The following SLC9A9 variants were observed in gnomAD, a reference collection of about 807,000 sequenced individuals.
The protein encoded by SLC9A9 is sodium/hydrogen exchanger 9.
Under a neutral mutation model 77.8 loss-of-function variants are expected in SLC9A9, and 62 were observed. That is an observed-to-expected ratio of 0.80 (90% CI 0.65 to 0.98). The LOEUF (loss-of-function observed/expected upper bound fraction) is 0.98. Ranked by LOEUF, SLC9A9 falls within the 50% of genes least tolerant of loss-of-function variation. SLC9A9 has a pLI of 0.00. For synonymous variants in SLC9A9, 320 were observed against 283.5 expected, an observed-to-expected ratio of 1.13 and a Z score of -1.29; for missense variants, 775 against 774.9, an observed-to-expected ratio of 1.00 and a Z score of 0.00.
At chr3:143,422,179 A>C (rs971086785) in intron 12 of SLC9A9, among the ~76,000 whole-genome samples, 3 of 152,244 alleles carry the variant, frequency 2.0e-5, no homozygotes, top group Non-Finnish European at 4.4e-5. Context: ...TGTGGACAGC[A>C]GTTTGGAGAT....
chr3:143,629,308 A>G (rs993008470), intron 6 of SLC9A9, among the ~76,000 whole-genome samples: 1 of 152,190 alleles, frequency 6.6e-6, no homozygotes, highest in Non-Finnish European at 1.5e-5. Context: ...TGCTGAACGA[A>G]GGTATAGGTT....
At chr3:143,793,125 A>C (rs563364035) in intron 4 of SLC9A9, among the ~76,000 whole-genome samples, 32 of 152,302 alleles carry the variant, frequency 2.1e-4, no homozygotes, top group African/African-American at 7.7e-4. Flanking sequence ...TTCCATTATA[A>C]GTTGTTGGAC....
chr3:143,652,161 A>G (rs16853989), intron 6 of SLC9A9, 94 bp downstream of exon 6: 37,456 of 1,022,150 alleles, frequency 0.037, 920 homozygotes, highest in African/African-American at 0.097. Flanking sequence ...AAAAAGCTAG[A>G]GACTGCCCGT....
intron 2 of SLC9A9, among the ~76,000 whole-genome samples, chr3:143,803,418 GTC>G (rs1456730797): frequency 2.6e-5 from 4 of 152,150 alleles, no homozygotes; most frequent in Non-Finnish European, 5.9e-5. Context: ...ACTATCTTCT[GTC>G]TAGTTTTATT....
intron 6 of SLC9A9, among the ~76,000 whole-genome samples, chr3:143,586,617 C>T (rs1453119605): frequency 1.3e-5 from 2 of 152,286 alleles, no homozygotes; most frequent in East Asian, 3.9e-4. Context: ...CCAACCTGCC[C>T]TTTCTCAGAT....
chr3:143,518,505 A>G (rs562424238), intron 9 of SLC9A9, among the ~76,000 whole-genome samples: 1 of 152,362 alleles, frequency 6.6e-6, no homozygotes, highest in South Asian at 2.1e-4. Context: ...ATTCCATCCC[A>G]TCGTGTCCAC....
At chr3:143,586,251 T>G (rs16853866) in intron 6 of SLC9A9, among the ~76,000 whole-genome samples, 14,239 of 152,254 alleles carry the variant, frequency 0.094, 783 homozygotes, top group Middle Eastern at 0.18. Context: ...CTCTTTTTAG[T>G]ATGAAACCAT....
At chr3:143,584,202 G>C (rs557843129) in intron 6 of SLC9A9, among the ~76,000 whole-genome samples, 1 of 152,238 alleles carries the variant, frequency 6.6e-6, no homozygotes, top group African/African-American at 2.4e-5. Flanking sequence ...AGGTCTCCTA[G>C]TTTCCAACAC....
intron 14 of SLC9A9, among the ~76,000 whole-genome samples, chr3:143,274,188 T>C (rs1937979074): frequency 6.6e-6 from 1 of 152,260 alleles, no homozygotes; most frequent in Non-Finnish European, 1.5e-5. Flanking sequence ...ATAAATGGTC[T>C]TGTTATAAGG....
chr3:143,523,577 T>C (rs1305179530), intron 9 of SLC9A9, among the ~76,000 whole-genome samples: 4 of 152,186 alleles, frequency 2.6e-5, no homozygotes, highest in African/African-American at 9.6e-5. Context: ...GGTTGCATGC[T>C]GTGTGAACTT....
At chr3:143,598,908 C>G (rs1203061186) in intron 6 of SLC9A9, among the ~76,000 whole-genome samples, 1 of 152,212 alleles carries the variant, frequency 6.6e-6, no homozygotes, top group East Asian at 1.9e-4. Flanking sequence ...TTATCTTTCT[C>G]AGGGAACAGG....
rs540535223 is a variant in SLC9A9, at chr3:143,312,374, T to C, written c.1605-43394A>G. On this transcript the variant is annotated intron_variant, in intron 14 of 15. Transcript: ENST00000316549. ...CTATTAATGCAAGCATGAGCACTTA[T>C]ATGGAAAGAGCTTGGTCTGCTCAAA... Among the ~76,000 whole-genome samples the C allele has an allele frequency of 6.6e-5, 10 of 152,374 alleles. No homozygotes were observed. In the East Asian group the frequency reaches 1.5e-3, roughly 24 times the overall value.
At chr3:143,292,992 A>G (rs2030081089) in intron 14 of SLC9A9, among the ~76,000 whole-genome samples, 2 of 152,198 alleles carry the variant, frequency 1.3e-5, no homozygotes, top group Admixed American at 6.5e-5. Flanking sequence ...GAGTTGGGGC[A>G]GGGCAGTAAG....
intron 2 of SLC9A9, among the ~76,000 whole-genome samples, chr3:143,829,710 T>C (rs2009387045): frequency 6.6e-6 from 1 of 152,196 alleles, no homozygotes; most frequent in Admixed American, 6.5e-5. Context: ...CATTATCTAA[T>C]AGTAGCAATG....
intron 9 of SLC9A9, chr3:143,503,334 C>A: frequency 3.3e-6 from 1 of 303,160 alleles, no homozygotes; most frequent in South Asian, 2.9e-5. Flanking sequence ...AATTCATGGT[C>A]ATATCAGGAA....
In SLC9A9 at chr3:143,515,765, A is replaced by T. The variant is rs545786757; in HGVS notation, c.1090-20317T>A. ...AGGTTAGTCATATGTATTTTTTTAC[A>T]TTGATGAATTTGGCTTGTTGATTGT... On this transcript the variant is annotated intron_variant, in intron 9 of 15. Coordinates refer to ENST00000316549, the MANE Select transcript of SLC9A9 (RefSeq NM_173653.4). 4.5e-4 allele frequency among the ~76,000 whole-genome samples: 68 copies of T among 152,224 alleles called. 1 individual carries two copies. Among genetic ancestry groups the T allele is most frequent in the Non-Finnish European group, 6.9e-4 (47 of 68,006 alleles).
chr3:143,336,697 G>T (rs891855268), intron 14 of SLC9A9, among the ~76,000 whole-genome samples: 2 of 152,038 alleles, frequency 1.3e-5, no homozygotes, highest in Non-Finnish European at 2.9e-5. Flanking sequence ...TAAAGTAGTC[G>T]AATTAACTGA....
chr3:143,713,958 T>C (rs1174194852), intron 4 of SLC9A9, among the ~76,000 whole-genome samples: 2 of 152,244 alleles, frequency 1.3e-5, no homozygotes, highest in Non-Finnish European at 2.9e-5. Flanking sequence ...ACTCAAAATC[T>C]GGCACTGGAT....
chr3:143,332,756 T>C (rs1703245636), intron 14 of SLC9A9, among the ~76,000 whole-genome samples: 1 of 152,222 alleles, frequency 6.6e-6, no homozygotes, highest in South Asian at 2.1e-4. Context: ...TAATGTATAC[T>C]TGGAGAGGCG....
Sources: gnomAD v4.1 joint callset for allele counts (sites outside exome capture counted in the v4.1 genomes callset) on GRCh38, gnomAD v4.1.1 for gene constraint, MANE v1.5 for transcripts, NCBI Gene and HGNC (gene_info 2026-07-23, HGNC 2026-07-21) for gene names.